TRMT44: variants seen among roughly 807,000 people sequenced by gnomAD.
TRMT44 encodes the protein tRNA methyltransferase 44 homolog, also known as probable tRNA (uracil-O(2)-)-methyltransferase.
In TRMT44, 78 loss-of-function variants were observed where a neutral mutation model predicts 77.3. That is an observed-to-expected ratio of 1.01 (90% confidence interval 0.84 to 1.22). TRMT44 has a LOEUF of 1.22. Among genes scored for constraint, TRMT44 ranks in the 50% most tolerant of loss-of-function variants. TRMT44 has a pLI of 0.00. For synonymous variants in TRMT44, 391 were observed against 383.3 expected (o/e 1.02, Z -0.23); for missense variants, 1,090 against 964.4 (o/e 1.13, Z -1.73).
intron 2 of TRMT44, among the ~76,000 whole-genome samples, chr4:8,488,986 G>C (rs899123876): frequency 6.6e-6 from 1 of 152,206 alleles, no homozygotes; most frequent in Non-Finnish European, 1.5e-5. Context: ...GAAAGGAACT[G>C]TGTTACCTGG....
chr4:8,475,443 G>C (rs752922799), intron 10 of TRMT44, among the ~76,000 whole-genome samples: 3 of 152,156 alleles, frequency 2.0e-5, no homozygotes, highest in African/African-American at 2.4e-5. Flanking sequence ...GCTGTCCCTC[G>C]AATGTGGCCA....
At chr4:8,470,459 C>G (rs1458890786) in intron 9 of TRMT44, among the ~76,000 whole-genome samples, 1 of 152,272 alleles carries the variant, frequency 6.6e-6, no homozygotes, top group Non-Finnish European at 1.5e-5. Flanking sequence ...AGCTTTCATT[C>G]ATATCCAATT....
chr4:8,461,141 C>G lies in TRMT44; in HGVS notation c.1204-2844C>G, dbSNP rs1726127273. Among the ~76,000 whole-genome samples, 1 of 152,190 alleles carries G rather than the reference C, an allele frequency of 6.6e-6. No homozygotes were observed. Among genetic ancestry groups the G allele is most frequent in the African/African-American group, 2.4e-5 (1 of 41,452 alleles). On this transcript the variant is annotated intron_variant, in intron 6 of 10. Coordinates refer to ENST00000389737, the MANE Select transcript of TRMT44 (RefSeq NM_152544.3). The surrounding 1 kb of genome is among the most constrained non-coding windows in gnomAD (Gnocchi z 4.6). ...GCTGGGATGACAATGAGCCGCTGCG[C>G]CGGGCCAGGGTGCTTACTCTTTGCT...
intron 2 of TRMT44, among the ~76,000 whole-genome samples, chr4:8,488,766 G>GC (rs1727900250): frequency 6.6e-6 from 1 of 152,234 alleles, no homozygotes; most frequent in African/African-American, 2.4e-5. Flanking sequence ...TTCCACAGTT[G>GC]CATCAGTGCC....
chr4:8,502,233 G>C, the TRMT44 span, among the ~76,000 whole-genome samples: 1 of 152,178 alleles, frequency 6.6e-6, no homozygotes, highest in Admixed American at 6.5e-5. Flanking sequence ...TGCATCCATG[G>C]GAATGGTCCT....
intron 2 of TRMT44, among the ~76,000 whole-genome samples, chr4:8,487,386 T>TTC (rs1268792509): frequency 6.6e-6 from 1 of 151,660 alleles, no homozygotes; most frequent in Non-Finnish European, 1.5e-5. Flanking sequence ...GGTTCGGGGG[T>TTC]TCTTACCCTC....
At chr4:8,473,674 G>A (rs1466516374) in intron 10 of TRMT44, 1 of 152,580 alleles carries the variant, frequency 6.6e-6, no homozygotes, top group African/African-American at 2.4e-5. Flanking sequence ...CAGGAACTTG[G>A]GTGGAGCAGA....
chr4:8,456,837 G>A (rs1725838931), intron 6 of TRMT44, among the ~76,000 whole-genome samples: 1 of 152,194 alleles, frequency 6.6e-6, no homozygotes, highest in East Asian at 1.9e-4. Context: ...GATAACAGGA[G>A]GAGTAGCTTT....
In TRMT44 at chr4:8,464,015, C is replaced by T. The variant is rs1560233108; in HGVS notation, c.1234C>T (p.Leu412Phe). 6.2e-7 allele frequency: 1 copy of T among 1,614,112 alleles called. No homozygotes were observed. Among genetic ancestry groups the T allele is most frequent in the Non-Finnish European group, 8.5e-7 (1 of 1,179,990 alleles). ...EDAITPNDKT[L>F]FPDVDWLIGN... ...TGCAATCACACCCAATGATAAGACC[C>T]TTTTCCCTGATGTTGATTGGTTAAT... The change falls in exon 7 of 11, where the codon CTT (leucine) becomes TTT (phenylalanine). Residue 412 changes from leucine (L) to phenylalanine (F), a missense_variant. Transcript: ENST00000389737.
intron 10 of TRMT44, among the ~76,000 whole-genome samples, chr4:8,471,871 C>T (rs139422497): frequency 8.5e-4 from 130 of 152,332 alleles, no homozygotes; most frequent in Non-Finnish European, 1.4e-3. Flanking sequence ...GTAGCAGGTG[C>T]TCACCCAGGT....
chr4:8,456,895 T>C (rs963714954), intron 6 of TRMT44, among the ~76,000 whole-genome samples: 22 of 151,898 alleles, frequency 1.4e-4, no homozygotes, highest in South Asian at 6.2e-4. Context: ...ATTAAGAAAA[T>C]CACCAGAGAG....
At chr4:8,443,023 C>A (rs900358958) in intron 1 of TRMT44, among the ~76,000 whole-genome samples, 1 of 152,142 alleles carries the variant, frequency 6.6e-6, no homozygotes, top group African/African-American at 2.4e-5. Context: ...ACGGCATGGA[C>A]ACTTTTGGGA....
rs1328986981 is a variant in TRMT44 at position 8,441,278 on chromosome 4, T to C, written c.456T>C (p.Ser152=). 2.0e-6 allele frequency: 3 copies of C among 1,535,388 alleles called. No individual in the cohort carries two copies. In the African/African-American group the frequency reaches 4.1e-5, roughly 21 times the overall value. ...LDSLWEDFSQ[S]LARGNSELLA... The stretch of plus-strand genomic sequence containing the variant: ...CGCTTTGGGAGGATTTCTCCCAAAG[T>C]CTCGCCCGTGGCAATTCGGAGTTGC... Residue 152 remains serine (S), a synonymous_variant, in exon 1 of 11, where the codon AGT becomes AGC. Transcript: ENST00000389737.
chr4:8,516,399 C>T, the TRMT44 span, among the ~76,000 whole-genome samples: 1 of 152,228 alleles, frequency 6.6e-6, no homozygotes, highest in South Asian at 2.1e-4. Context: ...GTCCCAGATA[C>T]TGATGACTCA....
At chr4:8,506,638 G>A in the TRMT44 span, among the ~76,000 whole-genome samples, 1 of 152,234 alleles carries the variant, frequency 6.6e-6, no homozygotes, top group African/African-American at 2.4e-5. Context: ...TGCCCCAGGG[G>A]GAGCGGGCCA....
chr4:8,471,070 C>T lies in TRMT44; in HGVS notation c.1928-14C>T, dbSNP rs961571096. ...CTGTTGTTTTGGGGAAAAAAAAAAC[C>T]CGTTTTTCCACAGAGAGCCTATCTC... On this transcript the variant is annotated splice_polypyrimidine_tract_variant and intron_variant, in intron 9 of 10. Transcript: ENST00000389737. 1 of 1,564,604 alleles carries T rather than the reference C, an allele frequency of 6.4e-7. No homozygotes were observed. Among genetic ancestry groups the T allele is most frequent in the South Asian group, 1.2e-5 (1 of 84,022 alleles).
At position 8,452,147 on chromosome 4, in the gene TRMT44, G is replaced by T. The variant is rs560428632; in HGVS notation, c.1023+119G>T. ...ACTGCCGGTGCTCACAATTCTGCTG[G>T]CCAAGGTTGGTTTCTCGTGTAATGG... On this transcript the variant is annotated intron_variant, in intron 4 of 10. Coordinates refer to ENST00000389737, the MANE Select transcript of TRMT44 (RefSeq NM_152544.3). This position sits in a 1 kb window ranked among gnomAD's most constrained non-coding sequence, Gnocchi z 5.7. The T allele has an allele frequency of 3.3e-6, 3 of 917,126 alleles. No homozygotes were observed. The South Asian group carries it at 4.4e-5, about 13-fold the overall frequency. 56.8% of individuals were successfully genotyped at this position (917,126 alleles called of 1,614,324 possible).
intron 6 of TRMT44, among the ~76,000 whole-genome samples, chr4:8,460,645 C>T (rs1389123519): frequency 6.6e-6 from 1 of 151,646 alleles, no homozygotes; most frequent in Non-Finnish European, 1.5e-5. Flanking sequence ...CCTCCACCTC[C>T]CAGGTTCAAG....
intron 6 of TRMT44, among the ~76,000 whole-genome samples, chr4:8,462,940 G>A (rs775054787): frequency 7.2e-5 from 11 of 152,158 alleles, no homozygotes; most frequent in African/African-American, 1.9e-4. Flanking sequence ...TAGATCATAC[G>A]TATACCCTTG....
Sources: allele counts gnomAD v4.1 joint callset (sites outside exome capture counted in the v4.1 genomes callset), GRCh38; gene constraint gnomAD v4.1.1; non-coding constraint Gnocchi (gnomAD v3.1); transcripts MANE v1.5; gene names NCBI Gene and HGNC (gene_info 2026-07-23, HGNC 2026-07-21).